The following STPG1 variants were observed in gnomAD, a reference collection of about 807,000 sequenced individuals.
STPG1 encodes the protein sperm tail PG-rich repeat containing 1.
In STPG1, 33 loss-of-function variants were observed where a neutral mutation model predicts 40.1. The observed-to-expected ratio is 0.82, with a 90% CI of 0.62 to 1.10. STPG1 has a LOEUF of 1.10. STPG1 is among the 50% of genes least tolerant of loss of function. The pLI is 0.00. For missense variants in STPG1, 396 were observed against 415.1 expected, an observed-to-expected ratio of 0.95 and a Z score of 0.40; for synonymous variants, 150 against 155.0, an observed-to-expected ratio of 0.97 and a Z score of 0.24.
In STPG1 at chr1:24,399,436, GTAAAA is replaced by G. The variant is rs1643130421; in HGVS notation, c.70+1878_70+1882del. Among the ~76,000 whole-genome samples the G allele has an allele frequency of 6.6e-6, 1 of 152,056 alleles. No individual in the cohort carries two copies. ...TGAATTGTAGATCTAGATGTAAAAG[GTAAAA>G]TAATAGAGTTTCTAGAAGAAACTAT... On this transcript the variant is annotated intron_variant, in intron 2 of 8. Transcript: ENST00000337248. This position sits in a 1 kb window ranked among gnomAD's most constrained non-coding sequence, Gnocchi z 4.0.
chr1:24,403,151 GTTCATTTTATT>G (rs1397483253), intron 1 of STPG1, among the ~76,000 whole-genome samples: 1 of 152,074 alleles, frequency 6.6e-6, no homozygotes. Flanking sequence ...TAAGGGTCAG[GTTCATTTTATT>G]TTCATTTTAT....
intron 1 of STPG1, 116 bp from the exon 2 acceptor site, chr1:24,401,572 T>C: frequency 1.6e-6 from 1 of 618,352 alleles, no homozygotes; most frequent in South Asian, 1.9e-5. Context: ...CCGGCTGAGA[T>C]CTACCAAGTG....
chr1:24,382,271 C>T (rs1642320453), intron 4 of STPG1, among the ~76,000 whole-genome samples: 1 of 152,184 alleles, frequency 6.6e-6, no homozygotes, highest in Non-Finnish European at 1.5e-5. Context: ...TGGGCAGTGC[C>T]ATTATTTAGC....
At chr1:24,404,099 C>T (rs919281609) in intron 1 of STPG1, among the ~76,000 whole-genome samples, 1 of 151,962 alleles carries the variant, frequency 6.6e-6, no homozygotes. Context: ...AATAAAAGCT[C>T]GTTATCACTT....
upstream of STPG1, chr1:24,414,985 C>T (rs1643953528): frequency 6.6e-6 from 1 of 152,226 alleles, no homozygotes; most frequent in Admixed American, 6.5e-5. Context: ...GGAGCTTTCT[C>T]TGCCCCACGA....
intron 8 of STPG1, among the ~76,000 whole-genome samples, chr1:24,360,041 T>C (rs1025841887): frequency 3.3e-5 from 5 of 152,240 alleles, no homozygotes; most frequent in Non-Finnish European, 7.3e-5. Context: ...CACCTGGCAC[T>C]GCCCGCCACG....
intron 1 of STPG1, 133 bp from the exon 2 acceptor site, chr1:24,401,589 C>T (rs976435412): frequency 2.0e-5 from 12 of 589,400 alleles, no homozygotes; most frequent in East Asian, 1.4e-4. Context: ...AGTGCAGTGA[C>T]CCAAAGTCCC....
chr1:24,389,109 C>A (rs893494341), intron 3 of STPG1, among the ~76,000 whole-genome samples: 1 of 152,192 alleles, frequency 6.6e-6, no homozygotes, highest in African/African-American at 2.4e-5. Context: ...AATCTCTGAG[C>A]AATTCCCATC....
In STPG1 at chr1:24,373,800, GAGAC is replaced by G. The variant is rs1641870821; in HGVS notation, c.469_472del (p.Val157LeufsTer43). The G allele has an allele frequency of 6.2e-7, 1 of 1,607,892 alleles. No homozygotes were observed. The highest frequency in any genetic ancestry group is 1.3e-5 in the African/African-American group (1 of 74,854). ...GACGTTGTTTCTCTGCTTGCAGCAA[GAGAC>G]AGAGGCCTAGGGGGAGAAAATACAC... On this transcript the variant is annotated frameshift_variant, in exon 6 of 9. Coordinates refer to ENST00000337248, the MANE Select transcript of STPG1 (RefSeq NM_001199013.2). LOFTEE classifies it high-confidence loss of function.
intron 7 of STPG1, among the ~76,000 whole-genome samples, chr1:24,367,813 C>T (rs558520786): frequency 3.9e-5 from 6 of 152,278 alleles, no homozygotes; most frequent in South Asian, 2.1e-4. Context: ...CATGCCCAAC[C>T]GGTAATAGCT....
intron 2 of STPG1, chr1:24,392,017 C>A (rs1198323969): frequency 2.8e-6 from 3 of 1,054,318 alleles, no homozygotes; most frequent in Non-Finnish European, 3.4e-6. Context: ...CTGGGAGCAG[C>A]CTGGACGAGG....
At chr1:24,394,726 T>C (rs995217173) in intron 2 of STPG1, among the ~76,000 whole-genome samples, 4 of 151,676 alleles carry the variant, frequency 2.6e-5, no homozygotes, top group Non-Finnish European at 5.9e-5. Flanking sequence ...AAATTAGACA[T>C]TAGAGGAAAA....
intron 2 of STPG1, among the ~76,000 whole-genome samples, chr1:24,396,478 T>C (rs75366740): frequency 0.03 from 4,623 of 152,286 alleles, 252 homozygotes; most frequent in African/African-American, 0.1. Flanking sequence ...CCTGGCTAGA[T>C]AGTAAATATT....
At chr1:24,393,841 T>C (rs140114560) in intron 2 of STPG1, among the ~76,000 whole-genome samples, 6 of 152,160 alleles carry the variant, frequency 3.9e-5, no homozygotes, top group African/African-American at 1.2e-4. Flanking sequence ...GTAAATGAGG[T>C]TGGCAATAAG....
intron 6 of STPG1, among the ~76,000 whole-genome samples, chr1:24,371,946 G>C (rs1448834385): frequency 6.6e-6 from 1 of 152,188 alleles, no homozygotes; most frequent in Non-Finnish European, 1.5e-5. Context: ...GGGAGGCCGA[G>C]GCAGACGGAT....
At chr1:24,369,902 C>T in intron 6 of STPG1, 63 bp from the exon 7 acceptor site, 2 of 1,439,720 alleles carry the variant, frequency 1.4e-6, no homozygotes, top group Non-Finnish European at 1.9e-6. Context: ...AAAAGCAGTA[C>T]CTTACCCCTA....
chr1:24,394,812 G>C (rs1346592822), intron 2 of STPG1, among the ~76,000 whole-genome samples: 4 of 152,084 alleles, frequency 2.6e-5, no homozygotes, highest in African/African-American at 7.2e-5. Context: ...AAAAGGATTA[G>C]TGAGCTGTGT....
At chr1:24,393,031 C>T (rs552081465) in intron 2 of STPG1, among the ~76,000 whole-genome samples, 1 of 152,148 alleles carries the variant, frequency 6.6e-6, no homozygotes, top group Non-Finnish European at 1.5e-5. Context: ...TCAAGGGGTA[C>T]AATCATGAAC....
At chr1:24,390,903 G>A (rs1252000141) in intron 3 of STPG1, among the ~76,000 whole-genome samples, 1 of 151,334 alleles carries the variant, frequency 6.6e-6, no homozygotes, top group Non-Finnish European at 1.5e-5. Context: ...CGGTTCAGGT[G>A]ATCCTCCTTC....
Sources: allele counts gnomAD v4.1 joint callset (sites outside exome capture counted in the v4.1 genomes callset), GRCh38; gene constraint gnomAD v4.1.1; non-coding constraint Gnocchi (gnomAD v3.1); transcripts MANE v1.5; gene names NCBI Gene and HGNC (gene_info 2026-07-23, HGNC 2026-07-21).